Variants in RBBP6 observed in about 807,000 individuals in gnomAD.
RBBP6 encodes RB binding protein 6, ubiquitin ligase, also known as E3 ubiquitin-protein ligase RBBP6.
A neutral mutation model predicts 167.7 loss-of-function variants in RBBP6; 25 were observed. The ratio of observed to expected loss-of-function variants is 0.15; its 90% confidence interval spans 0.11 to 0.21. The LOEUF (loss-of-function observed/expected upper bound fraction) is 0.21, where lower values mean the gene tolerates loss of function less well. Ranked by LOEUF, RBBP6 falls within the 10% of genes least tolerant of loss-of-function variation. The pLI is 1.00. For synonymous variants in RBBP6, 789 were observed against 735.8 expected, an observed-to-expected ratio of 1.07 and a Z score of -1.17; for missense variants, 1,868 against 2,134.2, an observed-to-expected ratio of 0.88 and a Z score of 2.46.
intron 14 of RBBP6, among the ~76,000 whole-genome samples, chr16:24,565,832 T>C (rs908074073): frequency 6.6e-6 from 1 of 152,076 alleles, no homozygotes; most frequent in African/African-American, 2.4e-5. Flanking sequence ...TTTGGGAGGC[T>C]GATGGGGGAG....
intron 10 of RBBP6, 69 bp from the exon 11 acceptor site, chr16:24,563,130 C>T: frequency 1.5e-6 from 2 of 1,296,488 alleles, no homozygotes; most frequent in South Asian, 2.7e-5. Context: ...TAAACAGCAG[C>T]AAACTTTTTT....
chr16:24,544,097 C>T (rs1898573943), intron 1 of RBBP6, among the ~76,000 whole-genome samples: 1 of 152,118 alleles, frequency 6.6e-6, no homozygotes, highest in Non-Finnish European at 1.5e-5. Flanking sequence ...CATTGAGGCA[C>T]CTTTTAGTTT....
At position 24,563,276 on chromosome 16, in the gene RBBP6, C is replaced by A. The variant is rs144033155; in HGVS notation, c.1367C>A (p.Thr456Asn). 431 of 1,610,182 alleles carry A rather than the reference C, an allele frequency of 2.7e-4. 3 individuals carry two copies. The African/African-American group carries it at 5.4e-3, about 20-fold the overall frequency. Residue 456 changes from threonine (T) to asparagine (N), a missense_variant, in exon 11 of 18, where the codon ACC (threonine) becomes AAC (asparagine). Coordinates refer to ENST00000319715, the MANE Select transcript of RBBP6 (RefSeq NM_006910.5). ...HSKGTSSIAI[T>N]ALMEEKGYQV... ...AAGGGAACCTCCTCAATTGCAATTACCGCTCTTATGGAAGAGAAGGTAAAT... is the reference window on the plus strand; with the variant it reads ...AAGGGAACCTCCTCAATTGCAATTAACGCTCTTATGGAAGAGAAGGTAAAT...
At position 24,540,307 on chromosome 16, in the gene RBBP6, C is replaced by T. The variant is rs1020210552; in HGVS notation, c.-320C>T. On this transcript the variant is annotated 5_prime_UTR_variant, in exon 1 of 18. Transcript: ENST00000319715. The stretch of plus-strand genomic sequence containing the variant: ...CTACTGACTGCACCGCCAATCCCCC[C>T]GTCTCTGCCGGCCCCTTAGCATGAG... 19 of 249,114 alleles carry T rather than the reference C, an allele frequency of 7.6e-5. No individual in the cohort carries two copies. Among genetic ancestry groups the T allele is most frequent in the African/African-American group, 3.2e-4 (14 of 44,430 alleles). 15.4% of individuals were successfully genotyped at this position (249,114 alleles called of 1,614,324 possible). A position where few individuals can be genotyped will look rare whatever the true frequency, so the allele number is the denominator to read the frequency against.
intron 8 of RBBP6, 117 bp downstream of exon 8, chr16:24,559,794 T>C (rs936046624): frequency 1.1e-6 from 1 of 928,586 alleles, no homozygotes; most frequent in African/African-American, 1.7e-5. Flanking sequence ...ATGACAAGTG[T>C]TGATCAATGA....
intron 1 of RBBP6, among the ~76,000 whole-genome samples, chr16:24,541,439 G>A (rs1898495193): frequency 6.6e-6 from 1 of 152,014 alleles, no homozygotes; most frequent in South Asian, 2.1e-4. Flanking sequence ...TTAGTAATAC[G>A]GCAATTAAGT....
At chr16:24,559,815 G>T in intron 8 of RBBP6, 138 bp downstream of exon 8, 1 of 690,980 alleles carries the variant, frequency 1.4e-6, no homozygotes, top group Admixed American at 4.1e-5. Flanking sequence ...GCATTAAGTA[G>T]TGAGAAGTCT....
rs749220924 is a variant in RBBP6, at chr16:24,553,520, A to T, written c.311A>T (p.Asp104Val). Residue 104 changes from aspartate to valine, a missense_variant, in exon 4 of 18, where the codon GAC becomes GTC. By Grantham distance (152) the Asp-to-Val change is radical. This residue lies in a region of RBBP6 where 184 missense variants were observed against 327.7 expected (regional missense o/e 0.56). Transcript: ENST00000319715. ...PAMATTKAID[D>V]SSASISLAQL... is the part of the protein sequence containing the mutation. ...TTAATTTTTTGTGAACAGATTGATG[A>T]CTCTTCCGCGTCTATTTCTCTGGCC... is the stretch of plus-strand genomic sequence containing the variant. 5 of 1,609,748 alleles carry T rather than the reference A, an allele frequency of 3.1e-6. No individual in the cohort carries two copies. The highest frequency in any genetic ancestry group is 4.2e-6 in the Non-Finnish European group (5 of 1,177,218).
intron 1 of RBBP6, among the ~76,000 whole-genome samples, chr16:24,543,457 T>A (rs35514621): frequency 1.3e-5 from 2 of 151,988 alleles, no homozygotes; most frequent in Non-Finnish European, 2.9e-5. Context: ...TAATTTATTG[T>A]AATTTTTTTT....
chr16:24,567,733 C>G, intron 15 of RBBP6, 59 bp from the exon 16 acceptor site: 11 of 1,426,700 alleles, frequency 7.7e-6, no homozygotes, highest in Non-Finnish European at 1.1e-5. Context: ...TTACATTTGT[C>G]TTGTTAGTTT....
chr16:24,563,794 T>C (rs1899129894), intron 13 of RBBP6, 130 bp downstream of exon 13: 3 of 712,004 alleles, frequency 4.2e-6, no homozygotes, highest in Admixed American at 3.7e-5. Flanking sequence ...TTGTAAACTT[T>C]CATGTGCCAG....
Position 24,562,025 on chromosome 16 carries a change from T to C in RBBP6, c.1153T>C (p.Ser385Pro). The C allele has an allele frequency of 6.2e-7, 1 of 1,613,316 alleles. No individual in the cohort carries two copies. Residue 385 changes from serine to proline, a missense_variant, in exon 10 of 18, where the codon TCT becomes CCT. By Grantham distance (74) the Ser-to-Pro change is moderately conservative. Coordinates refer to ENST00000319715, the MANE Select transcript of RBBP6 (RefSeq NM_006910.5). ...ATCAACTCACCCAGCTCCGTCTATATCTTCATTAACTTCTAATCAGTCTTC... is the reference window on the plus strand; with the variant it reads ...ATCAACTCACCCAGCTCCGTCTATACCTTCATTAACTTCTAATCAGTCTTC... ...SSSTHPAPSI[S>P]SLTSNQSSLA...
At chr16:24,556,544 T>C in intron 7 of RBBP6, 97 bp downstream of exon 7, 3 of 1,347,928 alleles carry the variant, frequency 2.2e-6, no homozygotes, top group South Asian at 1.8e-5. Flanking sequence ...CTTGGATTCC[T>C]TGAGAACTTT....
chr16:24,563,144 C>A, intron 10 of RBBP6, 55 bp from the exon 11 acceptor site: 2 of 1,429,740 alleles, frequency 1.4e-6, no homozygotes, highest in Non-Finnish European at 1.9e-6. Flanking sequence ...CTTTTTTACT[C>A]TTAATTGTCC....
In RBBP6 at chr16:24,571,496, A is replaced by G. The variant is rs140033849; in HGVS notation, c.4430A>G (p.Tyr1477Cys). 277 of 1,612,748 alleles carry G rather than the reference A, an allele frequency of 1.7e-4. No individual in the cohort carries two copies. Among genetic ancestry groups the G allele is most frequent in the Non-Finnish European group, 2.2e-4 (259 of 1,179,738 alleles). ...CCCAATAGAGACAAAAAAACTGACT[A>G]TGACACCAGAGAGTATTCAAGTTCC... Reference protein sequence around the residue: ...FTPNRDKKTDYDTREYSSSKR... With the variant: ...FTPNRDKKTDCDTREYSSSKR... Residue 1477 changes from tyrosine to cysteine, a missense_variant, in exon 18 of 18, where the codon TAT (tyrosine) becomes TGT (cysteine). Physicochemically the swap from Tyr to Cys is radical, Grantham distance 194. Coordinates refer to ENST00000319715, the MANE Select transcript of RBBP6 (RefSeq NM_006910.5).
chr16:24,563,649 G>T lies in RBBP6; in HGVS notation c.1505G>T (p.Arg502Leu). 1 of 1,610,836 alleles carries T rather than the reference G, an allele frequency of 6.2e-7. No homozygotes were observed. Among genetic ancestry groups the T allele is most frequent in the South Asian group, 1.1e-5 (1 of 90,832 alleles). The stretch of plus-strand genomic sequence containing the variant: ...AATACTGCTCGTCCAGGTGGTGGTC[G>T]ACCAGGCTGGGAACAGTGAGTAGAT... Reference protein sequence around the residue: ...RINTARPGGGRPGWEHSNKLG... With the variant: ...RINTARPGGGLPGWEHSNKLG... Residue 502 changes from arginine (R) to leucine (L), a missense_variant, in exon 13 of 18, where the codon CGA becomes CTA. Physicochemically the swap from Arg to Leu is moderately radical, Grantham distance 102 (BLOSUM62 -2). Transcript: ENST00000319715.
intron 2 of RBBP6, 73 bp downstream of exon 2, chr16:24,546,335 T>A: frequency 7.1e-7 from 1 of 1,406,064 alleles, no homozygotes; most frequent in Non-Finnish European, 9.2e-7. Flanking sequence ...GAAAAAACTG[T>A]ATTTTAGAAC....
chr16:24,568,001 G>T, intron 16 of RBBP6, 108 bp downstream of exon 16: 1 of 876,546 alleles, frequency 1.1e-6, no homozygotes. Flanking sequence ...TTCTGATTCG[G>T]TCTAGGTGTA....
In RBBP6 at chr16:24,562,085, G is replaced by A; in HGVS notation, c.1213G>A (p.Ala405Thr). The A allele has an allele frequency of 6.2e-7, 1 of 1,613,468 alleles. No individual in the cohort carries two copies. The highest frequency in any genetic ancestry group is 8.5e-7 in the Non-Finnish European group (1 of 1,179,576). The change falls in exon 10 of 18, where the codon GCT becomes ACT. Residue 405 changes from alanine to threonine, a missense_variant. Ala to Thr is a moderately conservative substitution (Grantham distance 58). Around this residue, in one of 7 missense-constraint regions of RBBP6, gnomAD observed 245 missense variants for 240.1 expected, o/e 1.02. Coordinates refer to ENST00000319715, the MANE Select transcript of RBBP6 (RefSeq NM_006910.5). ...APPVSGNPSSAPAPVPDITAT... is the reference protein window; with the variant it reads ...APPVSGNPSSTPAPVPDITAT... Reference sequence around the variant, plus strand: ...TCCTGTGTCTGGAAATCCGTCTTCTGCTCCAGCTCCTGTACCTGATATAAC... The same window carrying A: ...TCCTGTGTCTGGAAATCCGTCTTCTACTCCAGCTCCTGTACCTGATATAAC...
Sources: gnomAD v4.1 joint callset for allele counts (sites outside exome capture counted in the v4.1 genomes callset) on GRCh38, gnomAD v4.1.1 for gene constraint, gnomAD v4.1.1 regional missense constraint, MANE v1.5 for transcripts, NCBI Gene and HGNC (gene_info 2026-07-23, HGNC 2026-07-21) for gene names.